The following CNTNAP2 variants were observed in gnomAD, a reference collection of about 807,000 sequenced individuals.
The protein encoded by CNTNAP2 is contactin-associated protein-like 2.
CNTNAP2 carries 98 observed loss-of-function variants against 155.2 expected under a neutral mutation model. The observed-to-expected ratio is 0.63, with a 90% CI of 0.54 to 0.75. CNTNAP2 has a LOEUF of 0.75. Among genes scored for constraint, CNTNAP2 ranks in the 30% least tolerant of loss-of-function variants. The pLI, the probability that CNTNAP2 is intolerant of heterozygous loss-of-function variation, is 0.00. For missense variants in CNTNAP2, 1,727 were observed against 1,688.1 expected, an observed-to-expected ratio of 1.02 and a Z score of -0.40; for synonymous variants, 651 against 631.2, an observed-to-expected ratio of 1.03 and a Z score of -0.47.
At chr7:146,527,337 GTTTTTTAT>G (rs1797705250) in intron 1 of CNTNAP2, among the ~76,000 whole-genome samples, 1 of 152,082 alleles carries the variant, frequency 6.6e-6, no homozygotes, top group African/African-American at 2.4e-5. Context: ...CAAAAACAGT[GTTTTTTAT>G]TTAAAGATAA....
At chr7:146,343,832 T>C (rs1794772016) in intron 1 of CNTNAP2, among the ~76,000 whole-genome samples, 1 of 152,108 alleles carries the variant, frequency 6.6e-6, no homozygotes, top group East Asian at 1.9e-4. Context: ...TTTACTCTTA[T>C]CTATATATAA....
At chr7:148,093,059 T>C (rs1400797829) in intron 15 of CNTNAP2, among the ~76,000 whole-genome samples, 1 of 151,930 alleles carries the variant, frequency 6.6e-6, no homozygotes, top group Non-Finnish European at 1.5e-5. Flanking sequence ...ATAATATATA[T>C]AGGGTTTAGA....
chr7:147,763,307 A>G (rs1331216675), intron 13 of CNTNAP2, among the ~76,000 whole-genome samples: 2 of 151,940 alleles, frequency 1.3e-5, no homozygotes, highest in East Asian at 1.9e-4. Flanking sequence ...TGAGCAGCCA[A>G]TGATTGCAGC....
chr7:147,255,117 T>A lies in CNTNAP2; in HGVS notation c.1349-45024T>A, dbSNP rs138330774. ...AGTAAAATGAGTTCTATTTATGTATTTGTTTAGGCATATTAAGTGTCTAGA... is the reference window on the plus strand; with the variant it reads ...AGTAAAATGAGTTCTATTTATGTATATGTTTAGGCATATTAAGTGTCTAGA... On this transcript the variant is annotated intron_variant, in intron 8 of 23. Coordinates refer to ENST00000361727, the MANE Select transcript of CNTNAP2 (RefSeq NM_014141.6). 1.8e-3 allele frequency among the ~76,000 whole-genome samples: 271 copies of A among 152,282 alleles called. 2 individuals are homozygous for A. Among genetic ancestry groups the A allele is most frequent in the African/African-American group, 6.2e-3 (256 of 41,564 alleles).
At position 146,503,662 on chromosome 7, in the gene CNTNAP2, A is replaced by G. The variant is rs565574008; in HGVS notation, c.98-270609A>G. ...TCTTTCTTCTGCACATGGTTATCCA[A>G]TTTTCCCATCACCACTTATTGAAGA... On this transcript the variant is annotated intron_variant, in intron 1 of 23. Transcript: ENST00000361727. 4.6e-5 allele frequency among the ~76,000 whole-genome samples: 7 copies of G among 152,232 alleles called. No individual in the cohort carries two copies. The South Asian group carries it at 1.5e-3, about 32-fold the overall frequency.
intron 3 of CNTNAP2, among the ~76,000 whole-genome samples, chr7:146,991,519 G>A (rs142459717): frequency 6.6e-6 from 1 of 152,232 alleles, no homozygotes; most frequent in African/African-American, 2.4e-5. Context: ...AATGTTTCAA[G>A]GTTGTTAAAT....
chr7:146,406,588 G>A lies in CNTNAP2; in HGVS notation c.97+289615G>A, dbSNP rs1013636883. ...GCTGAGATATTGGCAAGGCTTAATCGTTGAAGCACCCAGTCAAAGACTCAG... is the reference window on the plus strand; with the variant it reads ...GCTGAGATATTGGCAAGGCTTAATCATTGAAGCACCCAGTCAAAGACTCAG... On this transcript the variant is annotated intron_variant, in intron 1 of 23. Transcript: ENST00000361727. Among the ~76,000 whole-genome samples the A allele has an allele frequency of 4.6e-5, 7 of 152,176 alleles. No homozygotes were observed. The East Asian group carries it at 7.7e-4, about 17-fold the overall frequency.
rs557634143 is a variant in CNTNAP2, at chr7:146,714,850, C to A, written c.98-59421C>A. Among the ~76,000 whole-genome samples, 3 of 152,196 alleles carry A rather than the reference C, an allele frequency of 2.0e-5. No homozygotes were observed. The South Asian group carries it at 6.2e-4, about 32-fold the overall frequency. On this transcript the variant is annotated intron_variant, in intron 1 of 23. Transcript: ENST00000361727. Reference sequence around the variant, plus strand: ...AGTCACTGTGATATATGGTCCTGTCCAGTGACGTTCTGGGCCCTAGGTCTA... The same window carrying A: ...AGTCACTGTGATATATGGTCCTGTCAAGTGACGTTCTGGGCCCTAGGTCTA...
intron 2 of CNTNAP2, among the ~76,000 whole-genome samples, chr7:146,832,459 T>C (rs1407355380): frequency 6.7e-6 from 1 of 149,340 alleles, no homozygotes; most frequent in Non-Finnish European, 1.5e-5. Context: ...ATAATTGATA[T>C]ACATTAACAT....
rs148043666 is a variant in CNTNAP2 at position 146,213,802 on chromosome 7, C to G, written c.97+96829C>G. The stretch of plus-strand genomic sequence containing the variant: ...CTTAATGCCACCTGTCAACCAATGT[C>G]TGAATAAACTAAATTTGGTAAATAA... On this transcript the variant is annotated intron_variant, in intron 1 of 23. Coordinates refer to ENST00000361727, the MANE Select transcript of CNTNAP2 (RefSeq NM_014141.6). 2.6e-4 allele frequency among the ~76,000 whole-genome samples: 40 copies of G among 152,248 alleles called. No individual in the cohort carries two copies. In the East Asian group the frequency reaches 6.6e-3, roughly 25 times the overall value.
At chr7:147,458,687 T>G (rs778888496) in intron 10 of CNTNAP2, among the ~76,000 whole-genome samples, 1 of 152,202 alleles carries the variant, frequency 6.6e-6, no homozygotes, top group Non-Finnish European at 1.5e-5. Context: ...GAGAATGAGC[T>G]TATAATATTT....
At chr7:147,936,651 CCT>C (rs1800614898) in intron 14 of CNTNAP2, among the ~76,000 whole-genome samples, 1 of 152,176 alleles carries the variant, frequency 6.6e-6, no homozygotes, top group South Asian at 2.1e-4. Flanking sequence ...TCCTTTTTCT[CCT>C]CTTTCTTCAA....
intron 21 of CNTNAP2, among the ~76,000 whole-genome samples, chr7:148,303,988 C>G (rs1037379948): frequency 2.6e-5 from 4 of 152,260 alleles, no homozygotes; most frequent in South Asian, 2.1e-4. Context: ...ATCTGTTTAG[C>G]GAACTCTTTG....
chr7:146,299,879 G>A (rs1563027318), intron 1 of CNTNAP2, among the ~76,000 whole-genome samples: 2 of 152,182 alleles, frequency 1.3e-5, no homozygotes, highest in Non-Finnish European at 1.5e-5. Flanking sequence ...TAGAGAATAA[G>A]TTCAGATATG....
At chr7:147,313,038 C>G (rs1297510957) in intron 9 of CNTNAP2, among the ~76,000 whole-genome samples, 3 of 134,024 alleles carry the variant, frequency 2.2e-5, no homozygotes, top group South Asian at 5.2e-4. Context: ...TTTCATGTGT[C>G]TTTTGGCTGC....
chr7:147,540,074 T>G (rs780832811), intron 11 of CNTNAP2, among the ~76,000 whole-genome samples: 1 of 152,244 alleles, frequency 6.6e-6, no homozygotes, highest in Non-Finnish European at 1.5e-5. Context: ...CATCTCATTC[T>G]GCTTCTTTAC....
intron 3 of CNTNAP2, among the ~76,000 whole-genome samples, chr7:147,002,894 A>G (rs1371382545): frequency 6.6e-6 from 1 of 150,618 alleles, no homozygotes; most frequent in Non-Finnish European, 1.5e-5. Flanking sequence ...GTTTCAACAA[A>G]TAAATTTTGG....
At chr7:147,563,490 T>A (rs1800105270) in intron 12 of CNTNAP2, among the ~76,000 whole-genome samples, 1 of 151,820 alleles carries the variant, frequency 6.6e-6, no homozygotes, top group African/African-American at 2.4e-5. Flanking sequence ...TTAGCTGGGC[T>A]TCGTGGCACA....
intron 3 of CNTNAP2, among the ~76,000 whole-genome samples, chr7:146,911,191 C>G (rs540120786): frequency 2.0e-5 from 3 of 152,178 alleles, no homozygotes; most frequent in African/African-American, 7.2e-5. Flanking sequence ...AATAGGAACA[C>G]TTTTACACTG....
Sources: allele counts gnomAD v4.1 joint callset (sites outside exome capture counted in the v4.1 genomes callset), GRCh38; gene constraint gnomAD v4.1.1; transcripts MANE v1.5; gene names NCBI Gene and HGNC (gene_info 2026-07-23, HGNC 2026-07-21).